Variants in LRRIQ4 observed in about 807,000 individuals in gnomAD.
LRRIQ4 encodes the protein leucine-rich repeat and IQ domain-containing protein 4.
In LRRIQ4, 21 loss-of-function variants were observed where a neutral mutation model predicts 40.1. The observed-to-expected ratio is 0.52, with a 90% CI of 0.37 to 0.75. LRRIQ4 has a LOEUF of 0.75. Ranked by LOEUF, LRRIQ4 falls within the 30% of genes least tolerant of loss-of-function variation. LRRIQ4 has a pLI of 0.00. For missense variants in LRRIQ4, 655 were observed against 660.0 expected, an observed-to-expected ratio of 0.99 and a Z score of 0.08; for synonymous variants, 277 against 277.1, an observed-to-expected ratio of 1.00 and a Z score of 0.00.
In LRRIQ4 at chr3:169,833,587, T is replaced by A. The variant is rs533890380; in HGVS notation, c.1530+404T>A. Among the ~76,000 whole-genome samples the A allele has an allele frequency of 2.6e-5, 4 of 152,366 alleles. No individual in the cohort carries two copies. In the East Asian group the frequency reaches 5.8e-4, roughly 22 times the overall value. ...GCCCAGGGTTCTGAGCTGCCATTAA[T>A]AAGGATCAAAAGGCTGAGATCCTTG... On this transcript the variant is annotated intron_variant, in intron 5 of 5. Transcript: ENST00000340806.
At position 169,837,712 on chromosome 3, in the gene LRRIQ4, T is replaced by C. The variant is rs1780342151; in HGVS notation, c.*81T>C. ...ATCTAGGAATTAGATGCCTACTACA[T>C]TAAAATTATTCATAAAATTACACTT... On this transcript the variant is annotated 3_prime_UTR_variant, in exon 6 of 6. Coordinates refer to ENST00000340806, the MANE Select transcript of LRRIQ4 (RefSeq NM_001080460.3). 5 of 1,051,614 alleles carry C rather than the reference T, an allele frequency of 4.8e-6. No individual in the cohort carries two copies. Among genetic ancestry groups the C allele is most frequent in the Non-Finnish European group, 5.3e-6 (4 of 748,300 alleles). The allele number at this position is 1,051,614 out of a possible 1,614,324, so 65.1% of individuals were successfully genotyped here.
At position 169,828,815 on chromosome 3, in the gene LRRIQ4, T is replaced by A; in HGVS notation, c.1077T>A (p.Asn359Lys). The A allele has an allele frequency of 6.2e-7, 1 of 1,613,708 alleles. No individual in the cohort carries two copies. The highest frequency in any genetic ancestry group is 8.5e-7 in the Non-Finnish European group (1 of 1,179,690). ...TGAAGATACTTGGACTAACAGGAAA[T>A]GAGTTCCTTTCCTTTCCGGAGGAAG... ...SKLKILGLTG[N>K]EFLSFPEEVL... The change falls in exon 3 of 6, where the codon AAT becomes AAA. Residue 359 changes from asparagine to lysine, a missense_variant. Asn to Lys is a moderately conservative substitution (Grantham distance 94, BLOSUM62 0). Coordinates refer to ENST00000340806, the MANE Select transcript of LRRIQ4 (RefSeq NM_001080460.3).
chr3:169,813,846 T>C (rs1779695262), intron 1 of LRRIQ4, among the ~76,000 whole-genome samples: 1 of 152,192 alleles, frequency 6.6e-6, no homozygotes, highest in Non-Finnish European at 1.5e-5. Flanking sequence ...CCGGTAACAA[T>C]GGGGGTGTGG....
At chr3:169,831,696 G>A (rs1053455426) in intron 4 of LRRIQ4, among the ~76,000 whole-genome samples, 17 of 151,220 alleles carry the variant, frequency 1.1e-4, no homozygotes, top group Admixed American at 6.6e-5. Flanking sequence ...AAGGCCAGGC[G>A]CGGTGCTCAC....
intron 2 of LRRIQ4, among the ~76,000 whole-genome samples, chr3:169,826,207 C>T (rs575930202): frequency 5.9e-5 from 9 of 152,016 alleles, no homozygotes; most frequent in South Asian, 4.2e-4. Flanking sequence ...GCCTGGCCAA[C>T]GTGGCGAAAC....
chr3:169,825,691 A>C (rs1780025907), intron 2 of LRRIQ4, among the ~76,000 whole-genome samples: 1 of 152,206 alleles, frequency 6.6e-6, no homozygotes, highest in African/African-American at 2.4e-5. Context: ...TCACACACAG[A>C]CTGCTTGTTA....
chr3:169,827,584 G>T (rs2108271718), intron 2 of LRRIQ4, among the ~76,000 whole-genome samples: 1 of 148,522 alleles, frequency 6.7e-6, no homozygotes, highest in East Asian at 2.0e-4. Context: ...TCCAGCCTGG[G>T]CGGCAGAGCG....
chr3:169,835,519 G>A (rs550179099), intron 5 of LRRIQ4, among the ~76,000 whole-genome samples: 7 of 152,038 alleles, frequency 4.6e-5, no homozygotes, highest in East Asian at 3.9e-4. Context: ...TTATGTTCTC[G>A]GGATGATTTT....
intron 4 of LRRIQ4, among the ~76,000 whole-genome samples, chr3:169,832,631 C>CAAAAAAAAAAAAAA (rs3047516): frequency 1.5e-5 from 1 of 67,368 alleles, no homozygotes; most frequent in Non-Finnish European, 2.8e-5. Context: ...GACTCTGTCT[C>CAAAAAAAAAAAAAA]AAAAAAAAAA....
intron 4 of LRRIQ4, among the ~76,000 whole-genome samples, chr3:169,831,368 G>A (rs1780170420): frequency 7.4e-6 from 1 of 135,544 alleles, no homozygotes; most frequent in African/African-American, 2.8e-5. Flanking sequence ...CTGCCTCCCG[G>A]GTTCACGCTA....
In LRRIQ4 at chr3:169,822,616, A is replaced by G; in HGVS notation, c.695A>G (p.Gln232Arg). ...CCCGTTCTGCCCGCGTCCTTGTGCC[A>G]GTGTAGCCAACTGTCGGTGCTCGAT... ...NLPVLPASLC[Q>R]CSQLSVLDLS... The change falls in exon 2 of 6, where the codon CAG becomes CGG. Residue 232 changes from glutamine to arginine, a missense_variant. Physicochemically the swap from Gln to Arg is conservative, Grantham distance 43 (BLOSUM62 1). Coordinates refer to ENST00000340806, the MANE Select transcript of LRRIQ4 (RefSeq NM_001080460.3). 6.2e-7 allele frequency: 1 copy of G among 1,614,014 alleles called. No homozygotes were observed. The highest frequency in any genetic ancestry group is 8.5e-7 in the Non-Finnish European group (1 of 1,179,900).
At position 169,822,504 on chromosome 3, in the gene LRRIQ4, C is replaced by T. The variant is rs1779926338; in HGVS notation, c.583C>T (p.Leu195=). ...CVLYTLEIID[L]DENKIGAIPE... is the part of the protein sequence containing the mutation. ...TCTCTACACCCTGGAAATCATTGAC[C>T]TGGACGAGAACAAAATAGGTGCCAT... Residue 195 remains leucine (L), a synonymous_variant, in exon 2 of 6, where the codon CTG becomes TTG. Coordinates refer to ENST00000340806, the MANE Select transcript of LRRIQ4 (RefSeq NM_001080460.3). The T allele has an allele frequency of 6.2e-7, 1 of 1,614,012 alleles. No homozygotes were observed. Among genetic ancestry groups the T allele is most frequent in the Non-Finnish European group, 8.5e-7 (1 of 1,179,894 alleles).
intron 1 of LRRIQ4, among the ~76,000 whole-genome samples, chr3:169,814,620 G>A (rs1356448188): frequency 1.3e-5 from 2 of 152,030 alleles, no homozygotes; most frequent in African/African-American, 2.4e-5. Flanking sequence ...AGAATAGCCG[G>A]GATTACAGGC....
intron 2 of LRRIQ4, among the ~76,000 whole-genome samples, chr3:169,826,413 A>G (rs1407743044): frequency 6.6e-6 from 1 of 151,786 alleles, no homozygotes; most frequent in Non-Finnish European, 1.5e-5. Flanking sequence ...AAAGAAAAAG[A>G]AAAAGGAAAA....
intron 1 of LRRIQ4, among the ~76,000 whole-genome samples, chr3:169,819,332 T>A (rs1005526909): frequency 6.6e-6 from 1 of 152,170 alleles, no homozygotes; most frequent in African/African-American, 2.4e-5. Flanking sequence ...ATGGGGTATA[T>A]GATTAAGGTG....
chr3:169,819,062 G>A (rs1405136398), intron 1 of LRRIQ4, among the ~76,000 whole-genome samples: 1 of 152,094 alleles, frequency 6.6e-6, no homozygotes, highest in Non-Finnish European at 1.5e-5. Context: ...TTCAAATGAA[G>A]ATGTAACAAT....
At position 169,822,928 on chromosome 3, in the gene LRRIQ4, A is replaced by G. The variant is rs1779948253; in HGVS notation, c.1007A>G (p.Asn336Ser). The G allele has an allele frequency of 1.3e-6, 2 of 1,537,280 alleles. No homozygotes were observed. The highest frequency in any genetic ancestry group is 1.7e-6 in the Non-Finnish European group (2 of 1,144,348). Residue 336 changes from asparagine (N) to serine (S), a missense_variant, in exon 2 of 6, where the codon AAT (asparagine) becomes AGT (serine). Asn to Ser is a conservative substitution (Grantham distance 46). Transcript: ENST00000340806. The part of the protein sequence containing the change: ...KNLEVLGLDD[N>S]KIGQLPSELG... Reference sequence around the variant, plus strand: ...CTTGAAGTCCTGGGACTGGATGACAATAAAATAGGACAGGTACGGATTCCT... The same window carrying G: ...CTTGAAGTCCTGGGACTGGATGACAGTAAAATAGGACAGGTACGGATTCCT...
intron 1 of LRRIQ4, among the ~76,000 whole-genome samples, chr3:169,813,419 G>T (rs985492702): frequency 6.6e-6 from 1 of 152,206 alleles, no homozygotes; most frequent in Non-Finnish European, 1.5e-5. Flanking sequence ...CAGATGTGAC[G>T]ATCTGGTAAG....
chr3:169,819,026 T>G (rs1779819444), intron 1 of LRRIQ4, among the ~76,000 whole-genome samples: 1 of 152,196 alleles, frequency 6.6e-6, no homozygotes, highest in Non-Finnish European at 1.5e-5. Context: ...GAAAGCTAAT[T>G]GTTAAACTAT....
Sources: gnomAD v4.1 joint callset for allele counts (sites outside exome capture counted in the v4.1 genomes callset) on GRCh38, gnomAD v4.1.1 for gene constraint, MANE v1.5 for transcripts, NCBI Gene and HGNC (gene_info 2026-07-23, HGNC 2026-07-21) for gene names.